The following EFEMP1 variants were observed in gnomAD, a reference collection of about 807,000 sequenced individuals.
EFEMP1 encodes the protein EGF-containing fibulin-like extracellular matrix protein 1.
Under a neutral mutation model 65.7 loss-of-function variants are expected in EFEMP1, and 18 were observed. The ratio of observed to expected loss-of-function variants is 0.27; its 90% confidence interval spans 0.19 to 0.41. The LOEUF is 0.41. Among genes scored for constraint, EFEMP1 ranks in the 10% least tolerant of loss-of-function variants. The pLI, the probability that EFEMP1 is intolerant of heterozygous loss-of-function variation, is 1.00. For synonymous variants in EFEMP1, 237 were observed against 219.7 expected (o/e 1.08, Z -0.70); for missense variants, 469 against 624.8 (o/e 0.75, Z 2.66).
At chr2:55,889,754 T>C (rs1384413575) in intron 5 of EFEMP1, among the ~76,000 whole-genome samples, 3 of 151,876 alleles carry the variant, frequency 2.0e-5, no homozygotes, top group Non-Finnish European at 2.9e-5. Context: ...AAAGTACTAA[T>C]TGATCTTAAA....
chr2:55,879,697 G>A lies in EFEMP1; in HGVS notation c.641-1832C>T, dbSNP rs143417118. On this transcript the variant is annotated intron_variant, in intron 6 of 11. Coordinates refer to ENST00000355426, the MANE Select transcript of EFEMP1 (RefSeq NM_001039348.3). Reference sequence around the variant, plus strand: ...TAGAAAGGAGTGTATGGGACACAGGGAGCACCATGCTACTTGAAGTGTGGC... The same window carrying A: ...TAGAAAGGAGTGTATGGGACACAGGAAGCACCATGCTACTTGAAGTGTGGC... Among the ~76,000 whole-genome samples the A allele has an allele frequency of 2.9e-3, 444 of 152,250 alleles. 4 individuals carry two copies. In the South Asian group the frequency reaches 0.03, roughly 10 times the overall value.
chr2:55,912,615 A>G (rs1001877880), intron 5 of EFEMP1, among the ~76,000 whole-genome samples: 3 of 152,202 alleles, frequency 2.0e-5, no homozygotes, highest in Admixed American at 6.5e-5. Flanking sequence ...GATGATGCCT[A>G]AGACTATAGA....
chr2:55,923,052 A>C lies in EFEMP1; in HGVS notation c.-48-113T>G. 5.5e-6 allele frequency: 4 copies of C among 731,550 alleles called. No homozygotes were observed. The highest frequency in any genetic ancestry group is 5.9e-5 in the South Asian group (1 of 17,086). 45.3% of individuals were successfully genotyped at this position (731,550 alleles called of 1,614,324 possible). ...TTCTAGTAGAATACTAGACCTTCTCACATGTCTCAGAGCTTCTCACATCCC... is the reference window on the plus strand; with the variant it reads ...TTCTAGTAGAATACTAGACCTTCTCCCATGTCTCAGAGCTTCTCACATCCC... On this transcript the variant is annotated intron_variant, in intron 1 of 11. Transcript: ENST00000355426. The surrounding 1 kb of genome is among the most constrained non-coding windows in gnomAD (Gnocchi z 5.3).
At chr2:55,898,716 T>G (rs1168800453) in intron 5 of EFEMP1, among the ~76,000 whole-genome samples, 3 of 152,164 alleles carry the variant, frequency 2.0e-5, no homozygotes, top group Non-Finnish European at 4.4e-5. Flanking sequence ...GTGACAGTAA[T>G]AAATCTAAAT....
At position 55,923,643 on chromosome 2, in the gene EFEMP1, C is replaced by T. The variant is rs1410159046; in HGVS notation, c.-49+68G>A. On this transcript the variant is annotated intron_variant, in intron 1 of 11. Transcript: ENST00000355426. The surrounding 1 kb of genome is among the most constrained non-coding windows in gnomAD (Gnocchi z 5.3). Reference sequence around the variant, plus strand: ...CAACACCCCTCAGCTCACCCCACCTCACTCTCCCGCGCGCGGCCCAGTGAG... The same window carrying T: ...CAACACCCCTCAGCTCACCCCACCTTACTCTCCCGCGCGCGGCCCAGTGAG... The T allele has an allele frequency of 3.0e-6, 3 of 985,722 alleles. No individual in the cohort carries two copies. The Admixed American group carries it at 1.8e-4, about 60-fold the overall frequency. The allele number at this position is 985,722 out of a possible 1,614,324, so 61.1% of individuals were successfully genotyped here. A position where few individuals can be genotyped will look rare whatever the true frequency, so the allele number is the denominator to read the frequency against.
At position 55,877,688 on chromosome 2, in the gene EFEMP1, C is replaced by A. The variant is rs1446503987; in HGVS notation, c.760+58G>T. Reference sequence around the variant, plus strand: ...ACATAGAAAACTGGAAATACTGCAACATGGCATGGGGTTTCCTTTTGTGAA... The same window carrying A: ...ACATAGAAAACTGGAAATACTGCAAAATGGCATGGGGTTTCCTTTTGTGAA... On this transcript the variant is annotated intron_variant, in intron 7 of 11. Transcript: ENST00000355426. The surrounding 1 kb of genome is among the most constrained non-coding windows in gnomAD (Gnocchi z 4.5). 1 of 1,610,024 alleles carries A rather than the reference C, an allele frequency of 6.2e-7. No homozygotes were observed. Among genetic ancestry groups the A allele is most frequent in the African/African-American group, 1.3e-5 (1 of 74,772 alleles).
At position 55,886,749 on chromosome 2, in the gene EFEMP1, AG is replaced by A. The variant is rs987091105; in HGVS notation, c.518-5016del. ...TACTCTCTGAAACTTTTTAAATAAA[AG>A]GGACTCACTGAGTGAAGGTCTTAGA... On this transcript the variant is annotated intron_variant, in intron 5 of 11. Transcript: ENST00000355426. This position sits in a 1 kb window ranked among gnomAD's most constrained non-coding sequence, Gnocchi z 4.0. 1.3e-5 allele frequency among the ~76,000 whole-genome samples: 2 copies of A among 152,176 alleles called. No individual in the cohort carries two copies. The highest frequency in any genetic ancestry group is 4.8e-5 in the African/African-American group (2 of 41,436).
intron 5 of EFEMP1, among the ~76,000 whole-genome samples, chr2:55,887,381 C>T (rs561550485): frequency 7.9e-5 from 12 of 152,126 alleles, no homozygotes; most frequent in Non-Finnish European, 1.5e-4. Context: ...TCCTCCCTTG[C>T]GTCTTTCTTC....
chr2:55,918,378 G>A (rs1670788843), intron 3 of EFEMP1, 111 bp from the exon 4 acceptor site: 9 of 1,269,336 alleles, frequency 7.1e-6, no homozygotes, highest in Admixed American at 1.7e-5. Context: ...TTGTGCTAAA[G>A]TCCTAGATAT....
intron 5 of EFEMP1, among the ~76,000 whole-genome samples, chr2:55,890,710 A>G (rs1029693911): frequency 4.6e-5 from 7 of 152,132 alleles, no homozygotes; most frequent in African/African-American, 1.7e-4. Flanking sequence ...TGGTTTAAAG[A>G]TAGCTAAATT....
chr2:55,872,908 A>C (rs1235822150), intron 9 of EFEMP1, among the ~76,000 whole-genome samples: 1 of 152,100 alleles, frequency 6.6e-6, no homozygotes, highest in Non-Finnish European at 1.5e-5. Flanking sequence ...AGCAAAAGAC[A>C]ACCTTATAAT....
At position 55,876,608 on chromosome 2, in the gene EFEMP1, TGG is replaced by T. The variant is rs754044580; in HGVS notation, c.880+13_880+14del. The T allele has an allele frequency of 6.2e-7, 1 of 1,611,456 alleles. No individual in the cohort carries two copies. On this transcript the variant is annotated intron_variant, in intron 8 of 11. Transcript: ENST00000355426. The stretch of plus-strand genomic sequence containing the variant: ...GAATTGGACTTTATTCCATACTATC[TGG>T]GAAGAGTTTTACCTTCACAGTTGAG...
At position 55,886,773 on chromosome 2, in the gene EFEMP1, A is replaced by C. The variant is rs1018973178; in HGVS notation, c.518-5039T>G. On this transcript the variant is annotated intron_variant, in intron 5 of 11. Coordinates refer to ENST00000355426, the MANE Select transcript of EFEMP1 (RefSeq NM_001039348.3). The surrounding 1 kb of genome is among the most constrained non-coding windows in gnomAD (Gnocchi z 4.0). ...AAGGGACTCACTGAGTGAAGGTCTTAGAGGTATTTGGAGTATTTTGTTTTT... is the reference window on the plus strand; with the variant it reads ...AAGGGACTCACTGAGTGAAGGTCTTCGAGGTATTTGGAGTATTTTGTTTTT... 2.0e-5 allele frequency among the ~76,000 whole-genome samples: 3 copies of C among 152,154 alleles called. No homozygotes were observed. The highest frequency in any genetic ancestry group is 7.2e-5 in the African/African-American group (3 of 41,450).
In EFEMP1 at chr2:55,873,431, G is replaced by A. The variant is rs1428161006; in HGVS notation, c.1000+1515C>T. Among the ~76,000 whole-genome samples the A allele has an allele frequency of 6.6e-6, 1 of 151,978 alleles. No homozygotes were observed. The highest frequency in any genetic ancestry group is 2.4e-5 in the African/African-American group (1 of 41,408). On this transcript the variant is annotated intron_variant, in intron 9 of 11. Transcript: ENST00000355426. This position sits in a 1 kb window ranked among gnomAD's most constrained non-coding sequence, Gnocchi z 4.6. The stretch of plus-strand genomic sequence containing the variant: ...AAATGTTTCCACATAGATAGGCTAG[G>A]CAGGTCGGATCCCACCGTGCATTAA...
intron 5 of EFEMP1, among the ~76,000 whole-genome samples, chr2:55,899,437 A>C (rs1669951836): frequency 1.3e-5 from 2 of 152,234 alleles, no homozygotes; most frequent in African/African-American, 4.8e-5. Context: ...GAACAAATGC[A>C]TGGATGGTGC....
intron 5 of EFEMP1, among the ~76,000 whole-genome samples, chr2:55,904,565 C>T (rs1168126128): frequency 6.6e-6 from 1 of 152,178 alleles, no homozygotes; most frequent in Non-Finnish European, 1.5e-5. Flanking sequence ...CCAAATAGAA[C>T]AAAGAGTCAG....
At chr2:55,875,595 C>G (rs1000832044) in intron 8 of EFEMP1, among the ~76,000 whole-genome samples, 14 of 152,068 alleles carry the variant, frequency 9.2e-5, no homozygotes, top group Non-Finnish European at 4.4e-5. Context: ...TTGGCTAATC[C>G]TGGACCTAAC....
At chr2:55,893,143 C>T (rs1028117815) in intron 5 of EFEMP1, among the ~76,000 whole-genome samples, 1 of 152,094 alleles carries the variant, frequency 6.6e-6, no homozygotes, top group Admixed American at 6.5e-5. Flanking sequence ...CCTTCAATTA[C>T]GAATCTCTTT....
chr2:55,881,598 A>C lies in EFEMP1; in HGVS notation c.640+14T>G, dbSNP rs748904649. The stretch of plus-strand genomic sequence containing the variant: ...CTCAAGACAGGACCGTGCTCACTGC[A>C]CTGTGGTACTTACCTACGCACTGCT... On this transcript the variant is annotated intron_variant, in intron 6 of 11. Transcript: ENST00000355426. 4 of 1,613,238 alleles carry C rather than the reference A, an allele frequency of 2.5e-6. No individual in the cohort carries two copies. The highest frequency in any genetic ancestry group is 3.4e-6 in the Non-Finnish European group (4 of 1,179,856).
Sources: allele counts gnomAD v4.1 joint callset (sites outside exome capture counted in the v4.1 genomes callset), GRCh38; gene constraint gnomAD v4.1.1; non-coding constraint Gnocchi (gnomAD v3.1); transcripts MANE v1.5; gene names NCBI Gene and HGNC (gene_info 2026-07-23, HGNC 2026-07-21).